The following DCC variants were observed in gnomAD, a reference collection of about 807,000 sequenced individuals.
DCC encodes DCC netrin 1 receptor, also known as netrin receptor DCC.
Under a neutral mutation model 172.5 loss-of-function variants are expected in DCC, and 58 were observed. The ratio of observed to expected loss-of-function variants is 0.34; its 90% CI spans 0.27 to 0.42. The LOEUF (loss-of-function observed/expected upper bound fraction) is 0.42. DCC is among the 10% of genes least tolerant of loss of function. DCC has a pLI of 1.00. For missense variants in DCC, 1,740 were observed against 1,791.0 expected (o/e 0.97, Z 0.51); for synonymous variants, 709 against 644.5 (o/e 1.10, Z -1.52).
rs1386831471 is a variant in DCC at position 53,428,477 on chromosome 18, A to T, written c.3164-6667A>T. On this transcript the variant is annotated intron_variant, in intron 21 of 28. Transcript: ENST00000442544. The stretch of plus-strand genomic sequence containing the variant: ...TTTTATATATATTATATAATATATA[A>T]TATATATTTTTTATATATTTATATT... 8.2e-5 allele frequency among the ~76,000 whole-genome samples: 4 copies of T among 48,500 alleles called. 1 individual carries two copies. Among genetic ancestry groups the T allele is most frequent in the Non-Finnish European group, 1.7e-4 (4 of 23,082 alleles). 31.8% of individuals were successfully genotyped at this position (48,500 alleles called of 152,430 possible).
At chr18:52,832,088 C>CTT (rs1156387684) in intron 2 of DCC, among the ~76,000 whole-genome samples, 1 of 152,148 alleles carries the variant, frequency 6.6e-6, no homozygotes, top group Non-Finnish European at 1.5e-5. Context: ...TTTAGCCATG[C>CTT]TTGCAGCATG....
intron 26 of DCC, 48 bp downstream of exon 26, chr18:53,487,006 A>C (rs201138034): frequency 6.2e-6 from 10 of 1,610,876 alleles, no homozygotes; most frequent in Non-Finnish European, 8.5e-6. Context: ...AATAATAGCA[A>C]AGGTGTCTTG....
chr18:52,973,293 A>G (rs2041060877), intron 5 of DCC, among the ~76,000 whole-genome samples: 1 of 152,192 alleles, frequency 6.6e-6, no homozygotes, highest in Non-Finnish European at 1.5e-5. Flanking sequence ...ATTTATACAA[A>G]TGATAAAGTT....
At chr18:53,517,418 T>A (rs1333475830) in intron 27 of DCC, among the ~76,000 whole-genome samples, 1 of 149,914 alleles carries the variant, frequency 6.7e-6, no homozygotes, top group Non-Finnish European at 1.5e-5. Flanking sequence ...CTGCACAATG[T>A]GCACATGTAC....
intron 15 of DCC, among the ~76,000 whole-genome samples, chr18:53,365,020 C>T (rs564690402): frequency 2.0e-5 from 3 of 152,044 alleles, no homozygotes; most frequent in Admixed American, 1.3e-4. Flanking sequence ...CAGCAAACTG[C>T]GCCCATTAAC....
chr18:52,432,879 T>G (rs1987671343), intron 1 of DCC, among the ~76,000 whole-genome samples: 1 of 152,146 alleles, frequency 6.6e-6, no homozygotes, highest in Non-Finnish European at 1.5e-5. Flanking sequence ...TCTGGAGAGT[T>G]GATAGAGGGA....
At chr18:53,298,773 A>G (rs770233389) in intron 12 of DCC, among the ~76,000 whole-genome samples, 40 of 146,552 alleles carry the variant, frequency 2.7e-4, no homozygotes, top group Non-Finnish European at 5.3e-4. Flanking sequence ...GTATTTTAAA[A>G]GAATAATTTA....
chr18:52,359,021 T>G (rs1984503670), intron 1 of DCC, among the ~76,000 whole-genome samples: 1 of 152,128 alleles, frequency 6.6e-6, no homozygotes. Context: ...TTAACTAGGG[T>G]CTGTAATTTT....
intron 21 of DCC, among the ~76,000 whole-genome samples, chr18:53,426,386 CATATATATTTATGAT>C (rs997186919): frequency 1.5e-5 from 2 of 137,292 alleles, no homozygotes; most frequent in Non-Finnish European, 3.1e-5. Flanking sequence ...TGTTATATAT[CATATATATTTATGAT>C]ATATATTTTT....
In DCC at chr18:53,107,106, T is replaced by C. The variant is rs1275306294; in HGVS notation, c.1261+40940T>C. ...ACCATAAACATCCTCTAAGAATGCC[T>C]AACTTCCTGAGAATGCAGCCCAGTA... On this transcript the variant is annotated intron_variant, in intron 7 of 28. Transcript: ENST00000442544. Among the ~76,000 whole-genome samples the C allele has an allele frequency of 2.0e-5, 3 of 151,946 alleles. No homozygotes were observed. The East Asian group carries it at 5.9e-4, about 30-fold the overall frequency.
chr18:53,143,133 T>C (rs2043855102), intron 7 of DCC, among the ~76,000 whole-genome samples: 1 of 152,150 alleles, frequency 6.6e-6, no homozygotes, highest in African/African-American at 2.4e-5. Context: ...AGGGTTTTAC[T>C]CTGAAATTAA....
chr18:52,700,304 ACATGCACACATGCACACT>A (rs2036097953), intron 1 of DCC, among the ~76,000 whole-genome samples: 1 of 132,238 alleles, frequency 7.6e-6, no homozygotes. Context: ...ATCCACACAC[ACATGCACACATGCACACT>A]CACGGAATGC....
intron 1 of DCC, among the ~76,000 whole-genome samples, chr18:52,605,352 T>G (rs2034111372): frequency 6.6e-6 from 1 of 152,138 alleles, no homozygotes; most frequent in East Asian, 1.9e-4. Flanking sequence ...CCTTTTAAAG[T>G]GGTACAGCTA....
intron 9 of DCC, among the ~76,000 whole-genome samples, chr18:53,182,942 G>A (rs1017134747): frequency 2.2e-4 from 34 of 152,214 alleles, no homozygotes; most frequent in African/African-American, 7.2e-4. Flanking sequence ...TCAGGTTAAA[G>A]AAAACGTTTT....
intron 2 of DCC, among the ~76,000 whole-genome samples, chr18:52,832,531 A>G (rs763014500): frequency 2.0e-5 from 3 of 152,138 alleles, no homozygotes; most frequent in Non-Finnish European, 4.4e-5. Flanking sequence ...TCGTTTAAGA[A>G]TCCCTGCTGT....
At chr18:52,954,866 T>C (rs557105151) in intron 5 of DCC, among the ~76,000 whole-genome samples, 2 of 152,172 alleles carry the variant, frequency 1.3e-5, no homozygotes, top group South Asian at 4.1e-4. Flanking sequence ...TTAAGTTATG[T>C]CTGTATGCTT....
chr18:52,565,453 A>G (rs1040694778), intron 1 of DCC, among the ~76,000 whole-genome samples: 3 of 152,176 alleles, frequency 2.0e-5, no homozygotes, highest in African/African-American at 7.2e-5. Context: ...TTACACTCCC[A>G]CCAACAGTGT....
intron 12 of DCC, among the ~76,000 whole-genome samples, chr18:53,266,509 C>T (rs1484310295): frequency 6.6e-6 from 1 of 152,100 alleles, no homozygotes; most frequent in African/African-American, 2.4e-5. Context: ...CCTTTGATCC[C>T]TTCCCTGTGC....
At chr18:52,819,684 A>T (rs1376591147) in intron 2 of DCC, among the ~76,000 whole-genome samples, 1 of 151,572 alleles carries the variant, frequency 6.6e-6, no homozygotes, top group Non-Finnish European at 1.5e-5. Context: ...AGTAAACCTA[A>T]ACCTAATTCT....
Sources: allele counts gnomAD v4.1 joint callset (sites outside exome capture counted in the v4.1 genomes callset), GRCh38; gene constraint gnomAD v4.1.1; transcripts MANE v1.5; gene names NCBI Gene and HGNC (gene_info 2026-07-23, HGNC 2026-07-21).